Variants in HEXB observed in about 807,000 individuals in gnomAD.
HEXB encodes the protein beta-hexosaminidase subunit beta.
A neutral mutation model predicts 71.2 loss-of-function variants in HEXB; 51 were observed. That is an observed-to-expected ratio of 0.72 (90% CI 0.57 to 0.90). The LOEUF (loss-of-function observed/expected upper bound fraction) is 0.90, where lower values mean the gene tolerates loss of function less well. Among genes scored for constraint, HEXB ranks in the 40% least tolerant of loss-of-function variants. HEXB has a pLI of 0.00. For synonymous variants in HEXB, 266 were observed against 249.3 expected (o/e 1.07, Z -0.63); for missense variants, 617 against 677.0 (o/e 0.91, Z 0.98).
intron 1 of HEXB, among the ~76,000 whole-genome samples, chr5:74,644,741 G>A (rs553253329): frequency 4.1e-5 from 6 of 145,412 alleles, no homozygotes; most frequent in African/African-American, 1.0e-4. Context: ...TAAACCTTGA[G>A]AGTATTCTTC....
chr5:74,679,965 C>T (rs1182124284), intron 1 of HEXB, among the ~76,000 whole-genome samples: 1 of 152,070 alleles, frequency 6.6e-6, no homozygotes, highest in Non-Finnish European at 1.5e-5. Context: ...TTCAATCAGA[C>T]AAAATGTCCT....
At chr5:74,651,516 G>C (rs549224970) in intron 1 of HEXB, among the ~76,000 whole-genome samples, 65 of 152,176 alleles carry the variant, frequency 4.3e-4, no homozygotes, top group African/African-American at 1.5e-3. Context: ...CAAATGATTT[G>C]CCTTAGGCTA....
At chr5:74,662,871 C>T (rs1035069630) in intron 1 of HEXB, among the ~76,000 whole-genome samples, 1 of 152,132 alleles carries the variant, frequency 6.6e-6, no homozygotes, top group Non-Finnish European at 1.5e-5. Context: ...GAAACAAAAC[C>T]TGGAGGAATT....
chr5:74,658,835 C>T (rs777706310), intron 1 of HEXB, among the ~76,000 whole-genome samples: 6 of 152,182 alleles, frequency 3.9e-5, no homozygotes, highest in South Asian at 2.1e-4. Flanking sequence ...GTTCTGAAGT[C>T]CTTCTAGTGA....
intron 1 of HEXB, among the ~76,000 whole-genome samples, chr5:74,644,970 TC>T (rs1290318181): frequency 1.3e-5 from 2 of 151,726 alleles, no homozygotes; most frequent in African/African-American, 4.8e-5. Flanking sequence ...CAGGGGTCCA[TC>T]ATGTTGACCA....
intron 1 of HEXB, among the ~76,000 whole-genome samples, chr5:74,665,001 GC>G (rs1748407782): frequency 6.6e-6 from 1 of 152,138 alleles, no homozygotes; most frequent in South Asian, 2.1e-4. Context: ...AAGAGCTCAT[GC>G]CCTTTGATCC....
upstream of HEXB, among the ~76,000 whole-genome samples, chr5:74,684,391 T>G (rs542946348): frequency 7.9e-5 from 12 of 152,360 alleles, no homozygotes; most frequent in African/African-American, 2.2e-4. Context: ...TCAGGATTCC[T>G]TGGGCATGCT....
chr5:74,713,126 C>G (rs1749587561), intron 6 of HEXB, among the ~76,000 whole-genome samples: 1 of 152,170 alleles, frequency 6.6e-6, no homozygotes, highest in Non-Finnish European at 1.5e-5. Context: ...GAAGTTGAAA[C>G]AGCATGATAG....
intron 1 of HEXB, among the ~76,000 whole-genome samples, chr5:74,668,506 A>G (rs1748476962): frequency 1.3e-5 from 2 of 152,168 alleles, no homozygotes; most frequent in African/African-American, 2.4e-5. Flanking sequence ...CCTGACTCTC[A>G]GACTTCCTAG....
intron 1 of HEXB, among the ~76,000 whole-genome samples, chr5:74,670,802 C>T (rs1748521601): frequency 6.6e-6 from 1 of 152,148 alleles, no homozygotes; most frequent in Non-Finnish European, 1.5e-5. Context: ...CACGCCTGGT[C>T]CAGCCACAAG....
chr5:74,702,618 C>G (rs1268241790), intron 5 of HEXB, among the ~76,000 whole-genome samples: 1 of 152,224 alleles, frequency 6.6e-6, no homozygotes, highest in African/African-American at 2.4e-5. Context: ...GGTTTCTCCA[C>G]TGTGATGTTA....
chr5:74,690,696 A>G (rs969364677), intron 2 of HEXB, among the ~76,000 whole-genome samples: 2 of 133,284 alleles, frequency 1.5e-5, no homozygotes. Flanking sequence ...AAAAAAAAAA[A>G]AAAGATAGGA....
intron 1 of HEXB, among the ~76,000 whole-genome samples, chr5:74,645,528 T>C (rs1465429182): frequency 6.6e-6 from 1 of 152,240 alleles, no homozygotes; most frequent in Admixed American, 6.5e-5. Context: ...GCTCCTCTAT[T>C]AGGGGCTTGT....
chr5:74,678,198 T>C (rs1327190902), intron 1 of HEXB, among the ~76,000 whole-genome samples: 1 of 152,160 alleles, frequency 6.6e-6, no homozygotes, highest in East Asian at 1.9e-4. Context: ...CTTGGGAGGC[T>C]GAGGCAGGAG....
intron 6 of HEXB, among the ~76,000 whole-genome samples, chr5:74,708,624 A>T (rs1322247611): frequency 6.6e-6 from 1 of 152,130 alleles, no homozygotes; most frequent in Non-Finnish European, 1.5e-5. Flanking sequence ...AAACAAAAAA[A>T]GTCAGGGGTT....
chr5:74,709,784 G>C (rs1336391951), intron 6 of HEXB, among the ~76,000 whole-genome samples: 1 of 152,200 alleles, frequency 6.6e-6, no homozygotes, highest in Non-Finnish European at 1.5e-5. Flanking sequence ...AGCTGAAATT[G>C]TGGCAATAAT....
intron 9 of HEXB, among the ~76,000 whole-genome samples, chr5:74,717,344 A>ATG (rs1749695401): frequency 6.6e-6 from 1 of 152,158 alleles, no homozygotes; most frequent in African/African-American, 2.4e-5. Context: ...CAGTAGCCAT[A>ATG]GCCACAGGTG....
At position 74,685,481 on chromosome 5, in the gene HEXB, C is replaced by G. The variant is rs1748843339; in HGVS notation, c.221C>G (p.Pro74Arg). 6.2e-7 allele frequency: 1 copy of G among 1,611,392 alleles called. No individual in the cohort carries two copies. The highest frequency in any genetic ancestry group is 8.5e-7 in the Non-Finnish European group (1 of 1,179,022). The change falls in exon 1 of 14, where the codon CCG (proline) becomes CGG (arginine). Residue 74 changes from proline (P) to arginine (R), a missense_variant. Pro to Arg is a moderately radical substitution (Grantham distance 103). Transcript: ENST00000261416. Reference sequence around the variant, plus strand: ...ACCCCGAACCTGCTGCATCTCGCCCCGGAGAACTTCTACATCAGCCACAGC... The same window carrying G: ...ACCCCGAACCTGCTGCATCTCGCCCGGGAGAACTTCTACATCAGCCACAGC... Reference protein sequence around the residue: ...KMTPNLLHLAPENFYISHSPN... With the variant: ...KMTPNLLHLARENFYISHSPN...
chr5:74,699,275 C>G (rs1749201220), intron 5 of HEXB, among the ~76,000 whole-genome samples: 1 of 151,768 alleles, frequency 6.6e-6, no homozygotes, highest in Admixed American at 6.6e-5. Flanking sequence ...CCCCCACCCC[C>G]TTTTTTTTCT....
Sources: gnomAD v4.1 joint callset for allele counts (sites outside exome capture counted in the v4.1 genomes callset) on GRCh38, gnomAD v4.1.1 for gene constraint, MANE v1.5 for transcripts, NCBI Gene and HGNC (gene_info 2026-07-23, HGNC 2026-07-21) for gene names.